Variants in CPNE4 observed in about 807,000 individuals in gnomAD.
CPNE4 encodes copine-4.
Under a neutral mutation model 67.9 loss-of-function variants are expected in CPNE4, and 25 were observed. The ratio of observed to expected loss-of-function variants is 0.37; its 90% CI spans 0.27 to 0.51. The LOEUF is 0.51. Ranked by LOEUF, CPNE4 falls within the 20% of genes least tolerant of loss-of-function variation. The pLI is 0.93. For synonymous variants in CPNE4, 242 were observed against 244.9 expected (o/e 0.99, Z 0.11); for missense variants, 464 against 690.8 (o/e 0.67, Z 3.68).
intron 1 of CPNE4, among the ~76,000 whole-genome samples, chr3:131,970,016 C>T (rs1206000867): frequency 2.0e-5 from 3 of 152,144 alleles, no homozygotes; most frequent in South Asian, 2.1e-4. Flanking sequence ...GTGCTGTTTA[C>T]GAAGGATTTC....
chr3:132,027,537 A>T (rs2074138521), intron 1 of CPNE4, among the ~76,000 whole-genome samples: 1 of 152,034 alleles, frequency 6.6e-6, no homozygotes, highest in South Asian at 2.1e-4. Flanking sequence ...ATTCACAATC[A>T]GTCAAGTCAC....
At chr3:131,633,172 C>T (rs1179226475) in intron 7 of CPNE4, among the ~76,000 whole-genome samples, 1 of 152,144 alleles carries the variant, frequency 6.6e-6, no homozygotes, top group Non-Finnish European at 1.5e-5. Context: ...CAAAATATAT[C>T]CAGAATCTAA....
At chr3:131,927,340 C>T (rs138770407) in intron 1 of CPNE4, among the ~76,000 whole-genome samples, 4 of 152,174 alleles carry the variant, frequency 2.6e-5, no homozygotes, top group Non-Finnish European at 2.9e-5. Context: ...CAGTGGATCC[C>T]AGGCACTTTC....
intron 2 of CPNE4, among the ~76,000 whole-genome samples, chr3:131,816,708 G>A (rs2084757353): frequency 6.6e-6 from 1 of 152,156 alleles, no homozygotes; most frequent in Admixed American, 6.5e-5. Flanking sequence ...GTCACTCAAA[G>A]CCAGAGGGAG....
chr3:131,834,516 T>C (rs1017848966), intron 2 of CPNE4, among the ~76,000 whole-genome samples: 6 of 152,172 alleles, frequency 3.9e-5, no homozygotes, highest in Non-Finnish European at 7.4e-5. Flanking sequence ...TCAGTAATTA[T>C]ATGTGTTAGT....
At chr3:131,863,528 T>C (rs1335273709) in intron 2 of CPNE4, among the ~76,000 whole-genome samples, 1 of 152,264 alleles carries the variant, frequency 6.6e-6, no homozygotes, top group African/African-American at 2.4e-5. Context: ...TGTCTGTTCA[T>C]ATCCTTCGCC....
At chr3:131,955,962 G>A (rs914366543) in intron 1 of CPNE4, among the ~76,000 whole-genome samples, 1 of 152,142 alleles carries the variant, frequency 6.6e-6, no homozygotes, top group Non-Finnish European at 1.5e-5. Context: ...ATTATACCTA[G>A]TAGGACAATG....
At chr3:131,811,540 T>A (rs1050876539) in intron 2 of CPNE4, among the ~76,000 whole-genome samples, 58 of 152,136 alleles carry the variant, frequency 3.8e-4, no homozygotes, top group Non-Finnish European at 6.5e-4. Flanking sequence ...GCCTCTACTA[T>A]GTATTCAAAG....
At chr3:132,022,828 T>C (rs924642402) in intron 1 of CPNE4, among the ~76,000 whole-genome samples, 5 of 152,208 alleles carry the variant, frequency 3.3e-5, no homozygotes, top group African/African-American at 4.8e-5. Context: ...TAACTTCTTA[T>C]CCAAGGATCT....
intron 2 of CPNE4, among the ~76,000 whole-genome samples, chr3:131,801,807 G>C (rs1425100233): frequency 1.5e-5 from 2 of 137,438 alleles, no homozygotes; most frequent in African/African-American, 5.4e-5. Context: ...CTCAACTTCA[G>C]GACTCAGTCC....
At chr3:131,626,031 C>T (rs2079063896) in intron 7 of CPNE4, among the ~76,000 whole-genome samples, 1 of 152,108 alleles carries the variant, frequency 6.6e-6, no homozygotes, top group Non-Finnish European at 1.5e-5. Flanking sequence ...CAAACTGTGT[C>T]CCTATAAGAC....
At chr3:131,716,034 G>A (rs1407353055) in intron 3 of CPNE4, among the ~76,000 whole-genome samples, 1 of 152,132 alleles carries the variant, frequency 6.6e-6, no homozygotes, top group African/African-American at 2.4e-5. Context: ...GTTTCCCTGA[G>A]GACCTCAGCC....
At chr3:131,872,739 G>A (rs2087272391) in intron 2 of CPNE4, among the ~76,000 whole-genome samples, 1 of 152,128 alleles carries the variant, frequency 6.6e-6, no homozygotes, top group African/African-American at 2.4e-5. Context: ...TAATTGACTT[G>A]GGAACCCAAA....
intron 2 of CPNE4, among the ~76,000 whole-genome samples, chr3:131,876,641 CAA>C (rs61625119): frequency 7.9e-5 from 8 of 101,624 alleles, no homozygotes; most frequent in Non-Finnish European, 5.6e-5. Flanking sequence ...GACTCCGTCT[CAA>C]AAAAAAAAAA....
intron 7 of CPNE4, among the ~76,000 whole-genome samples, chr3:131,649,542 C>CTA (rs2079755602): frequency 6.6e-6 from 1 of 152,182 alleles, no homozygotes; most frequent in Admixed American, 6.5e-5. Context: ...GAAGAACTGG[C>CTA]TTTATTCTTT....
intron 9 of CPNE4, among the ~76,000 whole-genome samples, chr3:131,579,800 A>G (rs770257024): frequency 1.3e-5 from 2 of 152,190 alleles, no homozygotes; most frequent in Non-Finnish European, 2.9e-5. Flanking sequence ...ATGGATGAGG[A>G]GTTAATTCTC....
intron 2 of CPNE4, among the ~76,000 whole-genome samples, chr3:131,799,980 C>T (rs994760687): frequency 2.0e-5 from 3 of 151,016 alleles, no homozygotes; most frequent in African/African-American, 7.3e-5. Flanking sequence ...CTTTCTCCCA[C>T]AAACCTTTTC....
chr3:131,587,501 C>A lies in CPNE4; in HGVS notation c.763G>T (p.Ala255Ser). The A allele has an allele frequency of 6.2e-7, 1 of 1,613,672 alleles. No individual in the cohort carries two copies. The highest frequency in any genetic ancestry group is 1.7e-5 in the Admixed American group (1 of 60,000). The change falls in exon 8 of 16, where the codon GCA (alanine) becomes TCA (serine). Residue 255 changes from alanine (A) to serine (S), a missense_variant. Physicochemically the swap from Ala to Ser is moderately conservative, Grantham distance 99. Coordinates refer to ENST00000429747, the MANE Select transcript of CPNE4 (RefSeq NM_130808.3). ...CCATGTACCTGTTTCCCTTCCATTG[C>A]TCCTCTCATCTCCTTGAATGTCGAG... is the stretch of plus-strand genomic sequence containing the variant. ...FTSTFKEMRG[A>S]MEGKQVQWEC...
At chr3:131,811,619 G>C (rs1426165605) in intron 2 of CPNE4, among the ~76,000 whole-genome samples, 1 of 152,046 alleles carries the variant, frequency 6.6e-6, no homozygotes, top group Non-Finnish European at 1.5e-5. Flanking sequence ...GTCTCTCTCT[G>C]AGAATATTAT....
Sources: allele counts gnomAD v4.1 joint callset (sites outside exome capture counted in the v4.1 genomes callset), GRCh38; gene constraint gnomAD v4.1.1; transcripts MANE v1.5; gene names NCBI Gene and HGNC (gene_info 2026-07-23, HGNC 2026-07-21).